The following SETD1A variants were observed in gnomAD, a reference collection of about 807,000 sequenced individuals.
SETD1A encodes histone-lysine N-methyltransferase SETD1A.
In SETD1A, 29 loss-of-function variants were observed where a neutral mutation model predicts 149.9. The ratio of observed to expected loss-of-function variants is 0.19; its 90% CI spans 0.14 to 0.26. The LOEUF (loss-of-function observed/expected upper bound fraction) is 0.26. Ranked by LOEUF, SETD1A falls within the 10% of genes least tolerant of loss-of-function variation. The pLI, the probability that SETD1A is intolerant of heterozygous loss-of-function variation, is 1.00. For synonymous variants in SETD1A, 1,141 were observed against 968.5 expected, an observed-to-expected ratio of 1.18 and a Z score of -3.31; for missense variants, 2,109 against 2,353.1, an observed-to-expected ratio of 0.90 and a Z score of 2.15.
rs774660465 is a variant in SETD1A, at chr16:30,971,363, C to G, written c.3017-15C>G. On this transcript the variant is annotated splice_polypyrimidine_tract_variant and intron_variant, in intron 12 of 18. Transcript: ENST00000262519. The stretch of plus-strand genomic sequence containing the variant: ...GTCTGCCCACCTCTCCTGACTGCCC[C>G]TTCTGGATTTCCAGGCGAGGACGAG... The G allele has an allele frequency of 1.9e-6, 3 of 1,562,752 alleles. No homozygotes were observed. Among genetic ancestry groups the G allele is most frequent in the Admixed American group, 1.7e-5 (1 of 57,428 alleles).
At position 30,979,984 on chromosome 16, in the gene SETD1A, C is replaced by G; in HGVS notation, c.4198C>G (p.Arg1400Gly). Residue 1400 changes from arginine (R) to glycine (G), a missense_variant, in exon 14 of 19, where the codon CGC becomes GGC. This residue lies in a region of SETD1A where 832 missense variants were observed against 815.6 expected (regional missense o/e 1.02). Coordinates refer to ENST00000262519, the MANE Select transcript of SETD1A (RefSeq NM_014712.3). ...RRRSLRSHAR[R>G]RRPPPPPPPP... ...GCGCAGCCTCCGCTCCCACGCCCGG[C>G]GCCGCCGCCCTCCGCCCCCACCCCC... The G allele has an allele frequency of 6.7e-7, 1 of 1,501,562 alleles. No homozygotes were observed. Among genetic ancestry groups the G allele is most frequent in the East Asian group, 2.6e-5 (1 of 38,144 alleles). 93.0% of individuals were successfully genotyped at this position (1,501,562 alleles called of 1,614,324 possible). A position where few individuals can be genotyped will look rare whatever the true frequency, so the allele number is the denominator to read the frequency against.
chr16:30,966,161 C>G lies in SETD1A; in HGVS notation c.2280C>G (p.Pro760=), dbSNP rs1281349234. The G allele has an allele frequency of 1.2e-6, 2 of 1,609,202 alleles. No individual in the cohort carries two copies. The highest frequency in any genetic ancestry group is 4.5e-5 in the East Asian group (2 of 44,784). ...TGCCAATGGCAGCCGAGCCCCTGCC[C>G]TCCTCCTCAGTCTCGGGAGAGGAGG... ...LPMPMAAEPL[P]SSSVSGEEAR... The change falls in exon 8 of 19, where the codon CCC becomes CCG. Residue 760 remains proline, a synonymous_variant. Coordinates refer to ENST00000262519, the MANE Select transcript of SETD1A (RefSeq NM_014712.3).
chr16:30,962,148 T>C (rs980403268), intron 4 of SETD1A, among the ~76,000 whole-genome samples: 1 of 150,072 alleles, frequency 6.7e-6, no homozygotes, highest in South Asian at 2.1e-4. Context: ...CACTGCAACC[T>C]CCACCTCCCA....
intron 6 of SETD1A, 121 bp from the exon 7 acceptor site, chr16:30,964,491 A>G: frequency 1.3e-6 from 2 of 1,499,036 alleles, no homozygotes; most frequent in Non-Finnish European, 1.8e-6. Context: ...CTAGCTAGGA[A>G]CCCAACATAT....
In SETD1A at chr16:30,978,998, GT is replaced by G. The variant is rs1035964798; in HGVS notation, c.3359-146del. ...TCAAGGGAGTTCATCTTGCTGGGAT[GT>G]GGGGCTGAGGCCAGGGCGTCTGTGT... On this transcript the variant is annotated intron_variant, in intron 13 of 18. Transcript: ENST00000262519. 1.7e-5 allele frequency: 13 copies of G among 750,226 alleles called. No homozygotes were observed. In the Admixed American group the frequency reaches 3.9e-4, roughly 22 times the overall value. 46.5% of individuals were successfully genotyped at this position (750,226 alleles called of 1,614,324 possible).
chr16:30,960,618 T>C (rs1187146600), intron 3 of SETD1A, among the ~76,000 whole-genome samples: 1 of 152,184 alleles, frequency 6.6e-6, no homozygotes, highest in Non-Finnish European at 1.5e-5. Flanking sequence ...GTATTTCCAG[T>C]GCCTCGTTCA....
Position 30,968,086 on chromosome 16 carries a change from C to T in SETD1A, c.2770+498C>T, listed in dbSNP as rs887829877. Among the ~76,000 whole-genome samples the T allele has an allele frequency of 2.0e-5, 3 of 152,240 alleles. No individual in the cohort carries two copies. In the South Asian group the frequency reaches 6.2e-4, roughly 32 times the overall value. On this transcript the variant is annotated intron_variant, in intron 10 of 18. Coordinates refer to ENST00000262519, the MANE Select transcript of SETD1A (RefSeq NM_014712.3). ...TCTTCCACCCGACCAGAAAATGATA[C>T]AAGATCAAATGGACAGGACATATTT... is the stretch of plus-strand genomic sequence containing the variant.
Position 30,971,739 on chromosome 16 carries a change from C to A in SETD1A, c.3358+20C>A. On this transcript the variant is annotated intron_variant, in intron 13 of 18. Transcript: ENST00000262519. The stretch of plus-strand genomic sequence containing the variant: ...CTGCAGGTAGGTGCCACAGGGCTGT[C>A]GGTTAGATCGCTGTGTGTGTGAGAG... The A allele has an allele frequency of 6.5e-7, 1 of 1,533,588 alleles. No individual in the cohort carries two copies. Among genetic ancestry groups the A allele is most frequent in the Non-Finnish European group, 8.8e-7 (1 of 1,138,662 alleles). The allele number at this position is 1,533,588 out of a possible 1,614,324, so 95.0% of individuals were successfully genotyped here. A position where few individuals can be genotyped will look rare whatever the true frequency, so the allele number is the denominator to read the frequency against.
chr16:30,975,062 C>T (rs1438768663), intron 13 of SETD1A, among the ~76,000 whole-genome samples: 1 of 151,810 alleles, frequency 6.6e-6, no homozygotes, highest in Non-Finnish European at 1.5e-5. Flanking sequence ...CAGGAGTAAT[C>T]GCTTGAACCG....
chr16:30,959,601 C>T (rs2056019469), intron 3 of SETD1A, among the ~76,000 whole-genome samples: 1 of 152,162 alleles, frequency 6.6e-6, no homozygotes, highest in South Asian at 2.1e-4. Context: ...CCTCTTGTTT[C>T]CTTCGAGGAC....
chr16:30,972,897 G>A (rs758593356), intron 13 of SETD1A, among the ~76,000 whole-genome samples: 5 of 151,874 alleles, frequency 3.3e-5, no homozygotes, highest in Non-Finnish European at 7.4e-5. Context: ...CTGTGGTTAC[G>A]AACCATGAGA....
chr16:30,973,451 C>G (rs537240166), intron 13 of SETD1A, among the ~76,000 whole-genome samples: 24 of 152,128 alleles, frequency 1.6e-4, no homozygotes, highest in African/African-American at 5.8e-4. Context: ...GTCAGGAGTT[C>G]GAGACCGGCC....
At chr16:30,977,303 C>T (rs192698455) in intron 13 of SETD1A, among the ~76,000 whole-genome samples, 57 of 152,108 alleles carry the variant, frequency 3.7e-4, no homozygotes, top group African/African-American at 1.2e-3. Context: ...TAGTGATTGC[C>T]GCCTGGGGAT....
chr16:30,983,628 C>G lies in SETD1A; in HGVS notation c.4813-7C>G. The G allele has an allele frequency of 3.1e-6, 5 of 1,611,310 alleles. No homozygotes were observed. Among genetic ancestry groups the G allele is most frequent in the Non-Finnish European group, 4.2e-6 (5 of 1,179,372 alleles). ...TCTTCCCTGACCATCGCATCTCACC[C>G]TGGCAGATGGTGGCCGACATGCGGG... is the stretch of plus-strand genomic sequence containing the variant. On this transcript the variant is annotated splice_region_variant and splice_polypyrimidine_tract_variant and intron_variant, in intron 17 of 18. Transcript: ENST00000262519. This position sits in a 1 kb window ranked among gnomAD's most constrained non-coding sequence, Gnocchi z 6.8.
chr16:30,966,632 C>G (rs574028672), intron 8 of SETD1A, among the ~76,000 whole-genome samples: 20 of 152,164 alleles, frequency 1.3e-4, no homozygotes, highest in Non-Finnish European at 2.5e-4. Flanking sequence ...GTGGACAAGG[C>G]CCTTAGCTCT....
chr16:30,962,603 C>T (rs1567350497), intron 4 of SETD1A, among the ~76,000 whole-genome samples: 1 of 152,108 alleles, frequency 6.6e-6, no homozygotes, highest in Non-Finnish European at 1.5e-5. Context: ...AGGCACTGGC[C>T]AGTTTGCAAG....
chr16:30,968,182 A>G (rs1009209274), intron 10 of SETD1A, among the ~76,000 whole-genome samples: 12 of 152,132 alleles, frequency 7.9e-5, no homozygotes, highest in Non-Finnish European at 1.5e-4. Context: ...AGGCAGGAGG[A>G]TCACCTGAGG....
chr16:30,972,718 G>T (rs953595769), intron 13 of SETD1A, among the ~76,000 whole-genome samples: 2 of 151,650 alleles, frequency 1.3e-5, no homozygotes, highest in Non-Finnish European at 2.9e-5. Flanking sequence ...GCTAGGCGTG[G>T]TGGCGCACAC....
intron 4 of SETD1A, among the ~76,000 whole-genome samples, chr16:30,963,088 A>G (rs1275514967): frequency 6.6e-6 from 1 of 152,202 alleles, no homozygotes; most frequent in Non-Finnish European, 1.5e-5. Context: ...TCTGGGTTTG[A>G]ATTCCAATTT....
Sources: gnomAD v4.1 joint callset for allele counts (sites outside exome capture counted in the v4.1 genomes callset) on GRCh38, gnomAD v4.1.1 for gene constraint, gnomAD v4.1.1 regional missense constraint, Gnocchi (gnomAD v3.1) non-coding constraint, MANE v1.5 for transcripts, NCBI Gene and HGNC (gene_info 2026-07-23, HGNC 2026-07-21) for gene names.